Variants in SLC16A7 observed in about 807,000 individuals in gnomAD.
SLC16A7 encodes monocarboxylate transporter 2.
In SLC16A7, 33 loss-of-function variants were observed where a neutral mutation model predicts 34.9. That is an observed-to-expected ratio of 0.94 (90% confidence interval 0.72 to 1.26). SLC16A7 has a LOEUF of 1.26. Among genes scored for constraint, SLC16A7 ranks in the 50% most tolerant of loss-of-function variants. The pLI is 0.00. For synonymous variants in SLC16A7, 201 were observed against 206.6 expected (o/e 0.97, Z 0.23); for missense variants, 573 against 578.1 (o/e 0.99, Z 0.09).
chr12:59,744,016 A>G (rs1878616309), intron 3 of SLC16A7, among the ~76,000 whole-genome samples: 1 of 152,228 alleles, frequency 6.6e-6, no homozygotes, highest in South Asian at 2.1e-4. Context: ...AGTTATTATT[A>G]GGATGTTTTC....
At chr12:59,750,889 G>A (rs1879450007) in intron 3 of SLC16A7, among the ~76,000 whole-genome samples, 1 of 152,088 alleles carries the variant, frequency 6.6e-6, no homozygotes, top group South Asian at 2.1e-4. Flanking sequence ...CATAAAAAAA[G>A]GATGAGTTCA....
intron 1 of SLC16A7, among the ~76,000 whole-genome samples, chr12:59,647,789 G>T (rs1166111056): frequency 6.6e-6 from 1 of 151,946 alleles, no homozygotes; most frequent in African/African-American, 2.4e-5. Flanking sequence ...ATTCCTGTAA[G>T]CCCAGCACTT....
rs550303533 is a variant in SLC16A7 at position 59,704,136 on chromosome 12, G to T, written c.-30-636G>T. Reference sequence around the variant, plus strand: ...GATCGCTTGAACCTGGGAGGCACAGGTTCCAGTGAGCCAATATCATGCCAC... The same window carrying T: ...GATCGCTTGAACCTGGGAGGCACAGTTTCCAGTGAGCCAATATCATGCCAC... On this transcript the variant is annotated intron_variant, in intron 2 of 5. Coordinates refer to ENST00000547379, the MANE Select transcript of SLC16A7 (RefSeq NM_001270623.2). 7.0e-5 allele frequency among the ~76,000 whole-genome samples: 10 copies of T among 143,478 alleles called. No homozygotes were observed. In the South Asian group the frequency reaches 1.3e-3, roughly 19 times the overall value. The allele number at this position is 143,478 out of a possible 152,430, so 94.1% of individuals were successfully genotyped here. A position where few individuals can be genotyped will look rare whatever the true frequency, so the allele number is the denominator to read the frequency against.
At chr12:59,638,239 C>A (rs1880525176) in intron 1 of SLC16A7, among the ~76,000 whole-genome samples, 1 of 152,096 alleles carries the variant, frequency 6.6e-6, no homozygotes, top group South Asian at 2.1e-4. Context: ...GTGTAGCATT[C>A]TTTTCTCCCA....
chr12:59,676,105 C>A (rs889959205), intron 2 of SLC16A7, among the ~76,000 whole-genome samples: 1 of 152,076 alleles, frequency 6.6e-6, no homozygotes, highest in African/African-American at 2.4e-5. Flanking sequence ...TGACTTATGG[C>A]TTTCTTGCTC....
chr12:59,665,433 C>T (rs1355641375), intron 2 of SLC16A7, among the ~76,000 whole-genome samples: 4 of 150,526 alleles, frequency 2.7e-5, no homozygotes, highest in Admixed American at 6.6e-5. Context: ...TGTATGTGTA[C>T]TTTGTTGAAA....
In SLC16A7 at chr12:59,785,574, A is replaced by G. The variant is rs1158751386; in HGVS notation, c.*5895A>G. 6.6e-6 allele frequency: 1 copy of G among 151,820 alleles called. No homozygotes were observed. Among genetic ancestry groups the G allele is most frequent in the African/African-American group, 2.4e-5 (1 of 41,332 alleles). 9.4% of individuals were successfully genotyped at this position (151,820 alleles called of 1,614,324 possible). On this transcript the variant is annotated 3_prime_UTR_variant, in exon 6 of 6. Coordinates refer to ENST00000547379, the MANE Select transcript of SLC16A7 (RefSeq NM_001270623.2). ...AATATCTAGGTAAAACTTGTTTAGC[A>G]TTTTTTATTTAATTATGGACATATT...
chr12:59,624,019 T>A (rs562518156), intron 1 of SLC16A7, among the ~76,000 whole-genome samples: 112 of 151,628 alleles, frequency 7.4e-4, no homozygotes, highest in African/African-American at 2.7e-3. Context: ...ATTTATTTAT[T>A]GTTTTTTGAC....
intron 1 of SLC16A7, among the ~76,000 whole-genome samples, chr12:59,606,992 G>A (rs200477983): frequency 6.6e-6 from 1 of 152,088 alleles, no homozygotes; most frequent in East Asian, 1.9e-4. Flanking sequence ...AGCCCCTTGG[G>A]CCAAATCCAG....
At chr12:59,673,823 G>A (rs925547851) in intron 2 of SLC16A7, among the ~76,000 whole-genome samples, 10 of 152,104 alleles carry the variant, frequency 6.6e-5, no homozygotes, top group Admixed American at 3.9e-4. Context: ...CTGGAAGAGG[G>A]CATTTATTTA....
chr12:59,758,804 A>G (rs889770377), intron 3 of SLC16A7, among the ~76,000 whole-genome samples: 3 of 152,212 alleles, frequency 2.0e-5, no homozygotes, highest in Non-Finnish European at 4.4e-5. Flanking sequence ...TGTAATTCAC[A>G]GTGAACTGGT....
Position 59,788,006 on chromosome 12 carries a change from TTTTTATGTAAAAGTTCTTCTCCCAGA to T in SLC16A7, c.*8329_*8354del, listed in dbSNP as rs1460222928. On this transcript the variant is annotated 3_prime_UTR_variant, in exon 6 of 6. Coordinates refer to ENST00000547379, the MANE Select transcript of SLC16A7 (RefSeq NM_001270623.2). ...TGCTACAACTGACTAAATTTGAAGC[TTTTTATGTAAAAGTTCTTCTCCCAGA>T]TATTTTAAACCAGTATGTTAATTAT... The T allele has an allele frequency of 2.0e-5, 3 of 152,208 alleles. No homozygotes were observed. Among genetic ancestry groups the T allele is most frequent in the African/African-American group, 7.2e-5 (3 of 41,450 alleles). 9.4% of individuals were successfully genotyped at this position (152,208 alleles called of 1,614,324 possible). A position where few individuals can be genotyped will look rare whatever the true frequency, so the allele number is the denominator to read the frequency against.
At chr12:59,624,989 C>G (rs920597897) in intron 1 of SLC16A7, among the ~76,000 whole-genome samples, 1 of 151,748 alleles carries the variant, frequency 6.6e-6, no homozygotes, top group Non-Finnish European at 1.5e-5. Context: ...GGAGCAAGTA[C>G]TAGTCTTAGC....
chr12:59,663,363 T>C (rs546292178), intron 2 of SLC16A7, among the ~76,000 whole-genome samples: 48 of 132,908 alleles, frequency 3.6e-4, no homozygotes, highest in African/African-American at 1.4e-3. Context: ...ATATTATCAA[T>C]ATAAAAAAAG....
At chr12:59,641,540 C>T (rs563825354) in intron 1 of SLC16A7, among the ~76,000 whole-genome samples, 3 of 145,410 alleles carry the variant, frequency 2.1e-5, no homozygotes, top group Non-Finnish European at 4.5e-5. Context: ...GATAATTGTG[C>T]AATAGTTTCT....
At chr12:59,654,136 G>T (rs1868413875) in intron 1 of SLC16A7, among the ~76,000 whole-genome samples, 1 of 150,812 alleles carries the variant, frequency 6.6e-6, no homozygotes, top group Non-Finnish European at 1.5e-5. Flanking sequence ...CTATTATGTG[G>T]TGCCATAGTT....
At chr12:59,746,047 T>G (rs1878855913) in intron 3 of SLC16A7, among the ~76,000 whole-genome samples, 1 of 152,230 alleles carries the variant, frequency 6.6e-6, no homozygotes, top group Non-Finnish European at 1.5e-5. Context: ...TTACGGGTTT[T>G]AAAAAGGAGA....
At chr12:59,667,059 G>A (rs969638958) in intron 2 of SLC16A7, among the ~76,000 whole-genome samples, 7 of 152,288 alleles carry the variant, frequency 4.6e-5, no homozygotes, top group African/African-American at 1.7e-4. Context: ...GTGGAGGCAA[G>A]AGAAGATGAG....
intron 2 of SLC16A7, among the ~76,000 whole-genome samples, chr12:59,680,427 A>G (rs192828469): frequency 1.3e-5 from 2 of 152,280 alleles, no homozygotes; most frequent in South Asian, 2.1e-4. Flanking sequence ...CTTGATTGCT[A>G]TTGTGTTCTG....
Sources: allele counts gnomAD v4.1 joint callset (sites outside exome capture counted in the v4.1 genomes callset), GRCh38; gene constraint gnomAD v4.1.1; transcripts MANE v1.5; gene names NCBI Gene and HGNC (gene_info 2026-07-23, HGNC 2026-07-21).